The following EPHB1 variants were observed in gnomAD, a reference collection of about 807,000 sequenced individuals.
EPHB1 encodes EPH receptor B1.
A neutral mutation model predicts 94.4 loss-of-function variants in EPHB1; 30 were observed. The observed-to-expected ratio is 0.32, with a 90% confidence interval of 0.24 to 0.43. The LOEUF is 0.43. Among genes scored for constraint, EPHB1 ranks in the 20% least tolerant of loss-of-function variants. The pLI, the probability that EPHB1 is intolerant of heterozygous loss-of-function variation, is 1.00. For missense variants in EPHB1, 1,055 were observed against 1,308.3 expected, an observed-to-expected ratio of 0.81 and a Z score of 2.99; for synonymous variants, 522 against 489.1, an observed-to-expected ratio of 1.07 and a Z score of -0.89.
intron 3 of EPHB1, among the ~76,000 whole-genome samples, chr3:134,983,468 C>T (rs1255704722): frequency 1.3e-5 from 2 of 152,226 alleles, no homozygotes; most frequent in African/African-American, 2.4e-5. Context: ...TTCTCTCTTG[C>T]CATCTGGGTT....
At chr3:134,864,759 G>A (rs776338011) in intron 1 of EPHB1, among the ~76,000 whole-genome samples, 7 of 152,218 alleles carry the variant, frequency 4.6e-5, no homozygotes, top group Non-Finnish European at 1.0e-4. Context: ...ATGTCAGGGG[G>A]TAGCATGGTT....
At chr3:134,890,221 A>T (rs1259201596) in intron 1 of EPHB1, among the ~76,000 whole-genome samples, 1 of 152,202 alleles carries the variant, frequency 6.6e-6, no homozygotes, top group Non-Finnish European at 1.5e-5. Flanking sequence ...GAACCTAAGC[A>T]AAACAGCAAT....
intron 3 of EPHB1, among the ~76,000 whole-genome samples, chr3:135,105,839 G>A (rs1249014151): frequency 6.6e-6 from 1 of 152,188 alleles, no homozygotes; most frequent in Non-Finnish European, 1.5e-5. Flanking sequence ...GGAGAATGAT[G>A]TTGTTAAGGC....
At chr3:135,201,742 C>T (rs979627720) in intron 12 of EPHB1, 53 bp downstream of exon 12, 16 of 1,540,298 alleles carry the variant, frequency 1.0e-5, no homozygotes, top group African/African-American at 1.4e-5. Context: ...TTAAAGGGGA[C>T]TCTACATGGC....
chr3:135,258,662 G>A (rs773877507), intron 15 of EPHB1, among the ~76,000 whole-genome samples: 3 of 152,098 alleles, frequency 2.0e-5, no homozygotes, highest in Non-Finnish European at 4.4e-5. Context: ...CTGAAGCCCC[G>A]TATAGTGTGC....
rs1432297974 is a variant in EPHB1 at position 134,977,594 on chromosome 3, A to ACCTGGGCCC, written c.805+25547_805+25555dup. Reference sequence around the variant, plus strand: ...TCAGTCTTCTCCAGGGCCAAGGCTCACCTGGGCCCCCTGACTTGCTCCTGG... The same window carrying ACCTGGGCCC: ...TCAGTCTTCTCCAGGGCCAAGGCTCACCTGGGCCCCCTGGGCCCCCTGACTTGCTCCTGG... On this transcript the variant is annotated intron_variant, in intron 3 of 15. Transcript: ENST00000398015. Among the ~76,000 whole-genome samples, 16 of 152,212 alleles carry ACCTGGGCCC rather than the reference A, an allele frequency of 1.1e-4. No individual in the cohort carries two copies. In the East Asian group the frequency reaches 2.3e-3, roughly 22 times the overall value.
intron 11 of EPHB1, among the ~76,000 whole-genome samples, chr3:135,197,673 A>G (rs1212791162): frequency 6.6e-6 from 1 of 152,264 alleles, no homozygotes; most frequent in Non-Finnish European, 1.5e-5. Context: ...TTTGCAGAAA[A>G]GCAATTTCAG....
chr3:135,059,404 A>T (rs556761346), intron 3 of EPHB1, among the ~76,000 whole-genome samples: 1 of 152,272 alleles, frequency 6.6e-6, no homozygotes, highest in East Asian at 1.9e-4. Flanking sequence ...CCATTACAGG[A>T]AGGTCTTCCA....
chr3:135,244,518 C>T (rs958882269), intron 13 of EPHB1, among the ~76,000 whole-genome samples: 8 of 152,226 alleles, frequency 5.3e-5, no homozygotes, highest in African/African-American at 1.9e-4. Flanking sequence ...AGTAGGACAC[C>T]CTATGCCTCC....
Position 134,964,276 on chromosome 3 carries a change from A to G in EPHB1, c.805+12224A>G, listed in dbSNP as rs1933644036. Among the ~76,000 whole-genome samples, 16 of 152,244 alleles carry G rather than the reference A, an allele frequency of 1.1e-4. 1 individual carries two copies. Among genetic ancestry groups the G allele is most frequent in the Admixed American group, 1.0e-3 (16 of 15,286 alleles). On this transcript the variant is annotated intron_variant, in intron 3 of 15. Coordinates refer to ENST00000398015, the MANE Select transcript of EPHB1 (RefSeq NM_004441.5). ...TTGTGGAAGTGATGATGGCAGAACC[A>G]GATGGAGGCAGTAACCAGTGATGGC...
Position 135,106,599 on chromosome 3 carries a change from C to T in EPHB1, c.957C>T (p.Cys319=), listed in dbSNP as rs768270788. 2.5e-6 allele frequency: 4 copies of T among 1,613,864 alleles called. No individual in the cohort carries two copies. Among genetic ancestry groups the T allele is most frequent in the East Asian group, 2.2e-5 (1 of 44,874 alleles). The change falls in exon 4 of 16, where the codon TGC becomes TGT. Residue 319 remains cysteine (C), a synonymous_variant. Transcript: ENST00000398015. ...ACTTTGACCCTCCAGAAGTGGCATG[C>T]ACTAGTAAGTGTCTAGTAATGGCTC... ...RADFDPPEVA[C]TSVPSGPRNV... is the part of the protein sequence containing the mutation.
intron 10 of EPHB1, among the ~76,000 whole-genome samples, chr3:135,183,030 C>CTTTTCTTTTCTTTTCT (rs11459145): frequency 4.4e-3 from 292 of 67,006 alleles, no homozygotes; most frequent in Admixed American, 5.9e-3. Context: ...CTTTTCTTTT[C>CTTTTCTTTTCTTTTCT]TTTCTTTCTT....
At chr3:135,208,732 T>C (rs1418566082) in intron 12 of EPHB1, among the ~76,000 whole-genome samples, 4 of 152,118 alleles carry the variant, frequency 2.6e-5, no homozygotes, top group Admixed American at 1.3e-4. Context: ...AAATTGGAGG[T>C]ATTAGTGTGA....
chr3:134,983,720 G>A (rs910172478), intron 3 of EPHB1, among the ~76,000 whole-genome samples: 1 of 152,236 alleles, frequency 6.6e-6, no homozygotes, highest in Non-Finnish European at 1.5e-5. Context: ...CTTGGTTGGA[G>A]CCCCCTGTGA....
chr3:135,090,869 G>A (rs1176874135), intron 3 of EPHB1, among the ~76,000 whole-genome samples: 1 of 152,230 alleles, frequency 6.6e-6, no homozygotes, highest in Admixed American at 6.5e-5. Context: ...CCACTTGAAT[G>A]CTGCGTAATA....
At chr3:134,882,205 G>T (rs913812561) in intron 1 of EPHB1, among the ~76,000 whole-genome samples, 2 of 152,170 alleles carry the variant, frequency 1.3e-5, no homozygotes, top group African/African-American at 4.8e-5. Context: ...CTATCAGGAA[G>T]AACTGAATAT....
At chr3:135,186,743 G>C (rs2107707730) in intron 10 of EPHB1, among the ~76,000 whole-genome samples, 1 of 152,306 alleles carries the variant, frequency 6.6e-6, no homozygotes. Context: ...ATTTAATGCT[G>C]CTGAAGCACT....
At chr3:135,111,070 C>A (rs920876805) in intron 4 of EPHB1, among the ~76,000 whole-genome samples, 1 of 152,166 alleles carries the variant, frequency 6.6e-6, no homozygotes, top group African/African-American at 2.4e-5. Flanking sequence ...GCCTCTGCAG[C>A]CAGGTTTGGT....
At chr3:135,038,739 G>A (rs924815285) in intron 3 of EPHB1, among the ~76,000 whole-genome samples, 59 of 152,062 alleles carry the variant, frequency 3.9e-4, no homozygotes, top group South Asian at 1.7e-3. Flanking sequence ...AGACCTTCGC[G>A]GTGAGTGTTA....
Sources: allele counts gnomAD v4.1 joint callset (sites outside exome capture counted in the v4.1 genomes callset), GRCh38; gene constraint gnomAD v4.1.1; transcripts MANE v1.5; gene names NCBI Gene and HGNC (gene_info 2026-07-23, HGNC 2026-07-21).